The following EVI5 variants were observed in gnomAD, a reference collection of about 807,000 sequenced individuals.
EVI5 encodes the protein ecotropic viral integration site 5 protein homolog.
In EVI5, 73 loss-of-function variants were observed where a neutral mutation model predicts 112.0. The ratio of observed to expected loss-of-function variants is 0.65; its 90% CI spans 0.54 to 0.79. The LOEUF (loss-of-function observed/expected upper bound fraction) is 0.79, where lower values mean the gene tolerates loss of function less well. Among genes scored for constraint, EVI5 ranks in the 30% least tolerant of loss-of-function variants. The probability of loss-of-function intolerance (pLI) is 0.00; values close to 1 mark genes in which losing one functional copy is unlikely to be tolerated. For missense variants in EVI5, 900 were observed against 968.8 expected, an observed-to-expected ratio of 0.93 and a Z score of 0.94; for synonymous variants, 305 against 319.9, an observed-to-expected ratio of 0.95 and a Z score of 0.50.
chr1:92,607,732 T>C lies in EVI5; in HGVS notation c.1828-5A>G, dbSNP rs535868811. ...ATGGTTACTATTGATCTGGTTCTAA[T>C]AATCAGAAATATAAATACTGAGACT... On this transcript the variant is annotated splice_region_variant and splice_polypyrimidine_tract_variant and intron_variant, in intron 16 of 19. Coordinates refer to ENST00000684568, the MANE Select transcript of EVI5 (RefSeq NM_001350197.2). 6.4e-7 allele frequency: 1 copy of C among 1,574,450 alleles called. No homozygotes were observed. Among genetic ancestry groups the C allele is most frequent in the East Asian group, 2.3e-5 (1 of 44,070 alleles).
At chr1:92,552,075 T>C (rs1667027564) in intron 19 of EVI5, among the ~76,000 whole-genome samples, 1 of 148,020 alleles carries the variant, frequency 6.8e-6, no homozygotes, top group Non-Finnish European at 1.5e-5. Context: ...ACTTGCCATC[T>C]AGTGCCAGGA....
At chr1:92,625,074 A>G (rs1232588373) in intron 15 of EVI5, among the ~76,000 whole-genome samples, 1 of 152,180 alleles carries the variant, frequency 6.6e-6, no homozygotes, top group Non-Finnish European at 1.5e-5. Context: ...TTTTAATGAG[A>G]GATTTTTCAT....
intron 10 of EVI5, among the ~76,000 whole-genome samples, chr1:92,676,793 T>C (rs1411396621): frequency 6.6e-6 from 1 of 152,188 alleles, no homozygotes; most frequent in East Asian, 1.9e-4. Flanking sequence ...ATATATGCTC[T>C]ATTTAATGTT....
chr1:92,731,779 G>A (rs1055817706), intron 2 of EVI5, among the ~76,000 whole-genome samples: 2 of 152,044 alleles, frequency 1.3e-5, no homozygotes, highest in Non-Finnish European at 1.5e-5. Context: ...AAATGCAAAA[G>A]TAATTAAGTA....
chr1:92,545,798 T>G (rs142995844), intron 19 of EVI5, among the ~76,000 whole-genome samples: 157 of 152,164 alleles, frequency 1.0e-3, no homozygotes, highest in African/African-American at 3.6e-3. Context: ...GGAGTGCCCC[T>G]CTCTACTCAT....
intron 19 of EVI5, among the ~76,000 whole-genome samples, chr1:92,527,414 CAA>C (rs763348201): frequency 1.1e-4 from 2 of 18,648 alleles, no homozygotes; most frequent in Admixed American, 6.0e-4. Flanking sequence ...GACACTGTCT[CAA>C]AAAAAAAAAA....
At chr1:92,782,639 C>T (rs766763438) in intron 1 of EVI5, among the ~76,000 whole-genome samples, 34 of 152,160 alleles carry the variant, frequency 2.2e-4, no homozygotes, top group Non-Finnish European at 4.3e-4. Flanking sequence ...CCGGAACATT[C>T]CCTGCTAATT....
chr1:92,647,917 G>T (rs886740746), intron 13 of EVI5, among the ~76,000 whole-genome samples: 1 of 151,618 alleles, frequency 6.6e-6, no homozygotes, highest in African/African-American at 2.4e-5. Flanking sequence ...GCTAAATTTT[G>T]TATCTTTAGT....
intron 19 of EVI5, among the ~76,000 whole-genome samples, chr1:92,552,796 A>G (rs1377841536): frequency 6.6e-6 from 1 of 152,090 alleles, no homozygotes; most frequent in Non-Finnish European, 1.5e-5. Context: ...TTGGTTTCTT[A>G]CATTTTTAAG....
chr1:92,756,371 G>T (rs1680954530), intron 1 of EVI5: 3 of 523,564 alleles, frequency 5.7e-6, no homozygotes, highest in Non-Finnish European at 1.2e-5. Context: ...TTTCCTGGAA[G>T]TACTGTTGCA....
At chr1:92,603,680 T>TA in intron 18 of EVI5, among the ~76,000 whole-genome samples, 1 of 151,762 alleles carries the variant, frequency 6.6e-6, no homozygotes, top group Non-Finnish European at 1.5e-5. Flanking sequence ...TATAAAATTT[T>TA]TTTTATATCT....
In EVI5 at chr1:92,717,537, G is replaced by A. The variant is rs1386495579; in HGVS notation, c.150-12793C>T. On this transcript the variant is annotated intron_variant, in intron 2 of 19. Transcript: ENST00000684568. The stretch of plus-strand genomic sequence containing the variant: ...CCAGGCCTGCCTTACAAGAGCTCCT[G>A]AAGGAAGCACTAAACATGGAAAGGA... Among the ~76,000 whole-genome samples, 4 of 152,292 alleles carry A rather than the reference G, an allele frequency of 2.6e-5. No homozygotes were observed. In the East Asian group the frequency reaches 7.7e-4, roughly 29 times the overall value.
intron 18 of EVI5, among the ~76,000 whole-genome samples, chr1:92,582,901 A>C (rs1402860447): frequency 6.6e-6 from 1 of 152,196 alleles, no homozygotes; most frequent in Non-Finnish European, 1.5e-5. Context: ...CTATCTCCTG[A>C]AGGAATATTT....
intron 1 of EVI5, among the ~76,000 whole-genome samples, chr1:92,772,355 G>A (rs1042817819): frequency 6.6e-6 from 1 of 151,668 alleles, no homozygotes; most frequent in African/African-American, 2.4e-5. Flanking sequence ...CCAGCACTTT[G>A]GGAGGCCAAG....
At chr1:92,534,650 T>C (rs980705024) in intron 19 of EVI5, among the ~76,000 whole-genome samples, 3 of 152,182 alleles carry the variant, frequency 2.0e-5, no homozygotes, top group Admixed American at 1.3e-4. Context: ...ATGTGATCTT[T>C]GACAAACCTG....
intron 1 of EVI5, among the ~76,000 whole-genome samples, chr1:92,745,795 G>A (rs1679172112): frequency 6.6e-6 from 1 of 152,174 alleles, no homozygotes; most frequent in Non-Finnish European, 1.5e-5. Flanking sequence ...AACAGAATGA[G>A]AGCTTGTCTG....
intron 18 of EVI5, among the ~76,000 whole-genome samples, chr1:92,579,867 A>G (rs900466559): frequency 6.6e-6 from 1 of 152,200 alleles, no homozygotes; most frequent in African/African-American, 2.4e-5. Context: ...TGTGATTAAT[A>G]AACAAAGTAG....
At chr1:92,765,750 C>G (rs1196207651) in intron 1 of EVI5, among the ~76,000 whole-genome samples, 2 of 152,118 alleles carry the variant, frequency 1.3e-5, no homozygotes, top group Non-Finnish European at 2.9e-5. Flanking sequence ...TACCAAATTA[C>G]TGACTTCCCC....
At position 92,688,443 on chromosome 1, in the gene EVI5, A is replaced by G. The variant is rs76138240; in HGVS notation, c.1097+5359T>C. Reference sequence around the variant, plus strand: ...CTCAGGGGATGCTCTCTCAGGGGATACTCCCTCAGGAGCAAGTCATTCTGA... The same window carrying G: ...CTCAGGGGATGCTCTCTCAGGGGATGCTCCCTCAGGAGCAAGTCATTCTGA... On this transcript the variant is annotated intron_variant, in intron 9 of 19. Coordinates refer to ENST00000684568, the MANE Select transcript of EVI5 (RefSeq NM_001350197.2). Among the ~76,000 whole-genome samples the G allele has an allele frequency of 1.4e-3, 208 of 152,232 alleles. 6 individuals are homozygous for G. In the East Asian group the frequency reaches 0.037, roughly 27 times the overall value.
Sources: allele counts gnomAD v4.1 joint callset (sites outside exome capture counted in the v4.1 genomes callset), GRCh38; gene constraint gnomAD v4.1.1; transcripts MANE v1.5; gene names NCBI Gene and HGNC (gene_info 2026-07-23, HGNC 2026-07-21).